GABRD: variants seen among roughly 807,000 people sequenced by gnomAD.
GABRD encodes the protein gamma-aminobutyric acid type A receptor subunit delta.
GABRD carries 25 observed loss-of-function variants against 47.3 expected under a neutral mutation model. The observed-to-expected ratio is 0.53, with a 90% CI of 0.39 to 0.74. The LOEUF is 0.74. GABRD is among the 30% of genes least tolerant of loss of function. The probability of loss-of-function intolerance (pLI) is 0.00; values close to 1 mark genes in which losing one functional copy is unlikely to be tolerated. For missense variants in GABRD, 497 were observed against 643.4 expected (o/e 0.77, Z 2.46); for synonymous variants, 314 against 278.8 (o/e 1.13, Z -1.26).
In GABRD at chr1:2,030,273, C is replaced by T. The variant is rs368462032; in HGVS notation, c.1350C>T (p.Tyr450=). 2.8e-5 allele frequency: 44 copies of T among 1,544,644 alleles called. No individual in the cohort carries two copies. The highest frequency in any genetic ancestry group is 1.8e-4 in the South Asian group (15 of 82,534). The part of the protein sequence containing the change: ...AAVNVIYWAA[Y]AM ...TCAATGTCATCTACTGGGCGGCATA[C>T]GCCATGTGAGCACAGGACTCAGGCC... The change falls in exon 9 of 9, where the codon TAC becomes TAT. Residue 450 remains tyrosine, a synonymous_variant. Coordinates refer to ENST00000378585, the MANE Select transcript of GABRD (RefSeq NM_000815.5).
chr1:2,028,069 A>G lies in GABRD; in HGVS notation c.554-86A>G. On this transcript the variant is annotated intron_variant, in intron 5 of 8. Transcript: ENST00000378585. The surrounding 1 kb of genome is among the most constrained non-coding windows in gnomAD (Gnocchi z 6.4). ...CATCACGATGGCGTCGGCCCCCTGC[A>G]GGCTTCCTGTGTGGACGGAGCGCTC... 1 of 1,464,190 alleles carries G rather than the reference A, an allele frequency of 6.8e-7. No individual in the cohort carries two copies. Among genetic ancestry groups the G allele is most frequent in the Non-Finnish European group, 9.3e-7 (1 of 1,078,594 alleles). 90.7% of individuals were successfully genotyped at this position (1,464,190 alleles called of 1,614,324 possible).
intron 4 of GABRD, chr1:2,027,339 A>T: frequency 1.8e-6 from 1 of 567,136 alleles, no homozygotes; most frequent in South Asian, 1.9e-5. Context: ...GCCTAGTTCA[A>T]TAGTCAAGCG....
chr1:2,029,966 C>A lies in GABRD; in HGVS notation c.1060-17C>A, dbSNP rs568243066. On this transcript the variant is annotated splice_polypyrimidine_tract_variant and intron_variant, in intron 8 of 8. Coordinates refer to ENST00000378585, the MANE Select transcript of GABRD (RefSeq NM_000815.5). Reference sequence around the variant, plus strand: ...CCCCAGTGCTCAGCCCTGTCTCCCCCACCGGCCTTCGTGCAGATGGACGTG... The same window carrying A: ...CCCCAGTGCTCAGCCCTGTCTCCCCAACCGGCCTTCGTGCAGATGGACGTG... 3.1e-6 allele frequency: 5 copies of A among 1,611,436 alleles called. No individual in the cohort carries two copies. The Admixed American group carries it at 5.0e-5, about 16-fold the overall frequency.
Position 2,029,264 on chromosome 1 carries a change from T to C in GABRD, c.845T>C (p.Leu282Pro). ...SQAAVPARVS[L>P]GITTVLTMTT... The stretch of plus-strand genomic sequence containing the variant: ...GCGGCGGTGCCCGCCAGGGTGTCTC[T>C]AGGTACGGGGCCTCGCCGCTGCTCC... The change falls in exon 7 of 9, where the codon CTA (leucine) becomes CCA (proline). Residue 282 changes from leucine (L) to proline (P), a missense_variant and splice_region_variant. Leu to Pro is a moderately conservative substitution (Grantham distance 98, BLOSUM62 -3). Transcript: ENST00000378585. 6.4e-7 allele frequency: 1 copy of C among 1,558,012 alleles called. No individual in the cohort carries two copies. Among genetic ancestry groups the C allele is most frequent in the Admixed American group, 1.9e-5 (1 of 51,928 alleles).
chr1:2,028,376 C>G lies in GABRD; in HGVS notation c.691+84C>G. 7.6e-7 allele frequency: 1 copy of G among 1,317,216 alleles called. No individual in the cohort carries two copies. Among genetic ancestry groups the G allele is most frequent in the Non-Finnish European group, 9.8e-7 (1 of 1,022,288 alleles). 81.6% of individuals were successfully genotyped at this position (1,317,216 alleles called of 1,614,324 possible). ...CCGCCCCTTCCGCGCGCGCCCACCG[C>G]CCCTTCCGCGTGCGCCCGCCTGTGG... is the stretch of plus-strand genomic sequence containing the variant. On this transcript the variant is annotated intron_variant, in intron 6 of 8. Transcript: ENST00000378585. This position sits in a 1 kb window ranked among gnomAD's most constrained non-coding sequence, Gnocchi z 6.4.
rs764518075 is a variant in GABRD, at chr1:2,025,337, C to G, written c.185C>G (p.Pro62Arg). ...ARNFRPGIGG[P>R]PVNVALALEV... ...TAGTTCTGCTCTTTCCTTGCAGGCC[C>G]CCCCGTGAATGTGGCCCTTGCCCTG... The change falls in exon 3 of 9, where the codon CCC becomes CGC. Residue 62 changes from proline to arginine, a missense_variant. Physicochemically the swap from Pro to Arg is moderately radical, Grantham distance 103 (BLOSUM62 -2). Around this residue, in one of 3 missense-constraint regions of GABRD, gnomAD observed 91 missense variants for 85.5 expected, o/e 1.06. Coordinates refer to ENST00000378585, the MANE Select transcript of GABRD (RefSeq NM_000815.5). 1.2e-6 allele frequency: 2 copies of G among 1,613,104 alleles called. No individual in the cohort carries two copies. Among genetic ancestry groups the G allele is most frequent in the African/African-American group, 1.3e-5 (1 of 74,946 alleles).
At position 2,030,044 on chromosome 1, in the gene GABRD, T is replaced by C. The variant is rs1659041086; in HGVS notation, c.1121T>C (p.Leu374Pro). The C allele has an allele frequency of 6.2e-7, 1 of 1,612,378 alleles. No homozygotes were observed. Among genetic ancestry groups the C allele is most frequent in the Non-Finnish European group, 8.5e-7 (1 of 1,179,752 alleles). Reference protein sequence around the residue: ...SLSAAGVTQELAISRRQRRVP... With the variant: ...SLSAAGVTQEPAISRRQRRVP... ...TCTGCTGCCGGCGTCACGCAGGAGC[T>C]GGCCATCTCCCGCCGGCAGCGCCGC... Residue 374 changes from leucine (L) to proline (P), a missense_variant, in exon 9 of 9, where the codon CTG becomes CCG. Transcript: ENST00000378585.
At chr1:2,026,459 T>C (rs1658931748) in intron 4 of GABRD, 1 of 152,332 alleles carries the variant, frequency 6.6e-6, no homozygotes, top group Non-Finnish European at 1.5e-5. Flanking sequence ...CTGCTATGAA[T>C]GTGTGTGCGC....
At position 2,028,061 on chromosome 1, in the gene GABRD, C is replaced by A; in HGVS notation, c.554-94C>A. On this transcript the variant is annotated intron_variant, in intron 5 of 8. Transcript: ENST00000378585. This position sits in a 1 kb window ranked among gnomAD's most constrained non-coding sequence, Gnocchi z 6.4. ...TCGGTCCCCATCACGATGGCGTCGG[C>A]CCCCTGCAGGCTTCCTGTGTGGACG... The A allele has an allele frequency of 7.1e-7, 1 of 1,404,012 alleles. No individual in the cohort carries two copies. Among genetic ancestry groups the A allele is most frequent in the Admixed American group, 2.2e-5 (1 of 46,386 alleles). 87.0% of individuals were successfully genotyped at this position (1,404,012 alleles called of 1,614,324 possible). A position where few individuals can be genotyped will look rare whatever the true frequency, so the allele number is the denominator to read the frequency against.
chr1:2,019,687 C>T (rs1442890960), intron 1 of GABRD, among the ~76,000 whole-genome samples, 196 bp downstream of exon 1: 1 of 151,844 alleles, frequency 6.6e-6, no homozygotes, highest in African/African-American at 2.4e-5. Context: ...CCCTTGGGCT[C>T]GGGACGCGGC....
In GABRD at chr1:2,019,521, G is replaced by A. The variant is rs1658716516; in HGVS notation, c.68+30G>A. 6 of 1,102,278 alleles carry A rather than the reference G, an allele frequency of 5.4e-6. No homozygotes were observed. The South Asian group carries it at 1.3e-4, about 24-fold the overall frequency. 68.3% of individuals were successfully genotyped at this position (1,102,278 alleles called of 1,614,324 possible). ...GCGGGCGGGGTCCGCGCGGCGCGGG[G>A]TCGGGGGCGGTGGGGGGCCCGCGTC... On this transcript the variant is annotated intron_variant, in intron 1 of 8. Transcript: ENST00000378585.
At position 2,029,281 on chromosome 1, in the gene GABRD, C is replaced by G; in HGVS notation, c.847+15C>G. 1.3e-6 allele frequency: 2 copies of G among 1,548,040 alleles called. No homozygotes were observed. Among genetic ancestry groups the G allele is most frequent in the Non-Finnish European group, 1.7e-6 (2 of 1,149,044 alleles). ...GGTGTCTCTAGGTACGGGGCCTCGC[C>G]GCTGCTCCGAGGGAGCTGGAAGGGC... On this transcript the variant is annotated intron_variant, in intron 7 of 8. Transcript: ENST00000378585.
rs769197624 is a variant in GABRD, at chr1:2,025,409, C to T, written c.249+8C>T. The T allele has an allele frequency of 2.5e-6, 4 of 1,612,752 alleles. No individual in the cohort carries two copies. Among genetic ancestry groups the T allele is most frequent in the Non-Finnish European group, 3.4e-6 (4 of 1,179,936 alleles). On this transcript the variant is annotated splice_region_variant and intron_variant, in intron 3 of 8. Transcript: ENST00000378585. ...ATCTCAGAGGCCAACATGGTAGGTGCCACCAGCCTCTGCCTCAGGCACGGT... is the reference window on the plus strand; with the variant it reads ...ATCTCAGAGGCCAACATGGTAGGTGTCACCAGCCTCTGCCTCAGGCACGGT...
Position 2,027,799 on chromosome 1 carries a change from G to A in GABRD, c.553+140G>A, listed in dbSNP as rs114869768. On this transcript the variant is annotated intron_variant, in intron 5 of 8. Transcript: ENST00000378585. ...CCAGCTTCTGCATGCAAGAAGCCTG[G>A]GCAGGAGGAGAAGGGGCCAGAAAGC... The A allele has an allele frequency of 3.9e-3, 3,152 of 798,922 alleles. 11 individuals carry two copies. The highest frequency in any genetic ancestry group is 6.4e-3 in the Admixed American group (308 of 48,264). 49.5% of individuals were successfully genotyped at this position (798,922 alleles called of 1,614,324 possible).
At chr1:2,019,913 G>A (rs1250521397) in intron 1 of GABRD, among the ~76,000 whole-genome samples, 1 of 152,198 alleles carries the variant, frequency 6.6e-6, no homozygotes, top group Admixed American at 6.5e-5. Context: ...CTTTGCGGGG[G>A]AGCCGTTCCC....
intron 1 of GABRD, among the ~76,000 whole-genome samples, chr1:2,023,337 G>A (rs1338796946): frequency 6.6e-6 from 1 of 151,978 alleles, no homozygotes; most frequent in Non-Finnish European, 1.5e-5. Flanking sequence ...TGCTGCACGG[G>A]GTGGGGCTGG....
At chr1:2,027,492 G>C in intron 4 of GABRD, 85 bp from the exon 5 acceptor site, 1 of 1,067,634 alleles carries the variant, frequency 9.4e-7, no homozygotes, top group Non-Finnish European at 1.4e-6. Context: ...CAGGTGCTCA[G>C]GGGGCATCTC....
At chr1:2,024,893 GAATTA>G (rs773333620) in intron 1 of GABRD, 44 bp from the exon 2 acceptor site, 1 of 1,375,278 alleles carries the variant, frequency 7.3e-7, no homozygotes, top group East Asian at 2.3e-5. Flanking sequence ...AGGCTCAGTG[GAATTA>G]AATTAAGTCC....
chr1:2,026,143 C>T (rs987000562), intron 4 of GABRD, among the ~76,000 whole-genome samples: 2 of 152,244 alleles, frequency 1.3e-5, no homozygotes, highest in African/African-American at 4.8e-5. Flanking sequence ...TGAGCAGGTG[C>T]TCTCCACTCC....
Sources: gnomAD v4.1 joint callset for allele counts (sites outside exome capture counted in the v4.1 genomes callset) on GRCh38, gnomAD v4.1.1 for gene constraint, gnomAD v4.1.1 regional missense constraint, Gnocchi (gnomAD v3.1) non-coding constraint, MANE v1.5 for transcripts, NCBI Gene and HGNC (gene_info 2026-07-23, HGNC 2026-07-21) for gene names.